Variants in WDPCP observed in about 807,000 individuals in gnomAD.
WDPCP encodes WD repeat-containing and planar cell polarity effector protein fritz homolog.
Under a neutral mutation model 93.1 loss-of-function variants are expected in WDPCP, and 71 were observed. The observed-to-expected ratio is 0.76, with a 90% CI of 0.63 to 0.93. The LOEUF is 0.93. Ranked by LOEUF, WDPCP falls within the 40% of genes least tolerant of loss-of-function variation. The pLI is 0.00. For synonymous variants in WDPCP, 315 were observed against 315.0 expected (o/e 1.00, Z 0.00); for missense variants, 844 against 887.4 (o/e 0.95, Z 0.62).
chr2:63,720,416 T>TAA (rs56140939), intron 2 of WDPCP, among the ~76,000 whole-genome samples: 3 of 124,922 alleles, frequency 2.4e-5, no homozygotes, highest in Non-Finnish European at 1.7e-5. Context: ...GACTCTACCT[T>TAA]AAAAAAAAAA....
At chr2:63,622,190 C>G in intron 3 of WDPCP, 2 of 1,591,974 alleles carry the variant, frequency 1.3e-6, no homozygotes, top group South Asian at 1.1e-5. Flanking sequence ...CAAACTGTTG[C>G]TGCTGCTGCT....
intron 6 of WDPCP, among the ~76,000 whole-genome samples, chr2:63,451,294 C>T (rs1172580837): frequency 6.6e-6 from 1 of 151,754 alleles, no homozygotes; most frequent in Non-Finnish European, 1.5e-5. Flanking sequence ...ACATCCCAGT[C>T]AGACAAAAAT....
chr2:63,497,201 T>A (rs575396329), intron 1 of WDPCP, among the ~76,000 whole-genome samples: 2 of 150,968 alleles, frequency 1.3e-5, no homozygotes, highest in African/African-American at 4.9e-5. Context: ...TGTGGTGGTA[T>A]ACAGACAAAG....
At chr2:63,772,387 T>A (rs1670242215) in intron 2 of WDPCP, among the ~76,000 whole-genome samples, 1 of 152,034 alleles carries the variant, frequency 6.6e-6, no homozygotes, top group Non-Finnish European at 1.5e-5. Context: ...TTGGTTTTGC[T>A]TGCTGAATTA....
chr2:63,391,583 A>G (rs1308586751), intron 10 of WDPCP, among the ~76,000 whole-genome samples: 2 of 152,288 alleles, frequency 1.3e-5, no homozygotes, highest in Non-Finnish European at 2.9e-5. Context: ...CCATTAGGAA[A>G]AGAGGAAGTC....
chr2:63,570,842 T>G (rs1707436315), intron 1 of WDPCP, among the ~76,000 whole-genome samples: 1 of 152,216 alleles, frequency 6.6e-6, no homozygotes, highest in Admixed American at 6.5e-5. Context: ...AACTCTGAAG[T>G]TAGACACACT....
intron 12 of WDPCP, chr2:63,369,547 G>C (rs1691211618): frequency 4.4e-6 from 2 of 455,878 alleles, no homozygotes; most frequent in Non-Finnish European, 8.8e-6. Flanking sequence ...ACCTCAACTA[G>C]AATTTGGGCA....
chr2:63,349,614 A>G (rs1689439909), intron 12 of WDPCP, among the ~76,000 whole-genome samples: 1 of 152,206 alleles, frequency 6.6e-6, no homozygotes, highest in African/African-American at 2.4e-5. Flanking sequence ...CTGGGGAAAA[A>G]AAACCCAAGT....
chr2:63,450,737 G>A (rs1305004496), intron 6 of WDPCP, among the ~76,000 whole-genome samples: 1 of 152,140 alleles, frequency 6.6e-6, no homozygotes, highest in Non-Finnish European at 1.5e-5. Context: ...TACCACTGAT[G>A]CTGTTTCCAG....
chr2:63,786,574 A>G (rs923276829), intron 2 of WDPCP, among the ~76,000 whole-genome samples: 2 of 152,182 alleles, frequency 1.3e-5, no homozygotes, highest in Non-Finnish European at 2.9e-5. Context: ...TACCTCCATG[A>G]AAATGGTGAC....
Position 63,442,828 on chromosome 2 carries a change from G to A in WDPCP, c.385-2957C>T, listed in dbSNP as rs1260648026. ...TCCTAACAAAAACTGCTTTTTCTAT[G>A]TATGAGCGTTTGTTATAAAATTCTT... On this transcript the variant is annotated intron_variant, in intron 6 of 17. Coordinates refer to ENST00000272321, the MANE Select transcript of WDPCP (RefSeq NM_015910.7). 2.0e-5 allele frequency: 3 copies of A among 152,102 alleles called. No homozygotes were observed. The East Asian group carries it at 5.8e-4, about 29-fold the overall frequency. The allele number at this position is 152,102 out of a possible 1,614,324, so 9.4% of individuals were successfully genotyped here. A position where few individuals can be genotyped will look rare whatever the true frequency, so the allele number is the denominator to read the frequency against.
chr2:63,275,844 T>A (rs1485137896), intron 13 of WDPCP, among the ~76,000 whole-genome samples: 1 of 152,188 alleles, frequency 6.6e-6, no homozygotes, highest in Non-Finnish European at 1.5e-5. Flanking sequence ...CAGGACTAGC[T>A]TGCAGCTCCT....
intron 3 of WDPCP, among the ~76,000 whole-genome samples, chr2:63,614,316 G>C (rs1709649887): frequency 6.6e-6 from 1 of 152,038 alleles, no homozygotes; most frequent in Admixed American, 6.6e-5. Flanking sequence ...TTTTTCTCCT[G>C]TTAATCTCCC....
chr2:63,329,605 C>T (rs952221513), intron 12 of WDPCP, among the ~76,000 whole-genome samples: 1 of 152,070 alleles, frequency 6.6e-6, no homozygotes, highest in Non-Finnish European at 1.5e-5. Flanking sequence ...TTTTGTATAT[C>T]AATGTTTCTC....
chr2:63,157,686 A>G (rs1672352606), intron 15 of WDPCP, among the ~76,000 whole-genome samples: 1 of 152,130 alleles, frequency 6.6e-6, no homozygotes, highest in Non-Finnish European at 1.5e-5. Context: ...GTAGTTCATG[A>G]CATTATTTTT....
At chr2:63,127,762 G>A (rs1294337827) in intron 17 of WDPCP, among the ~76,000 whole-genome samples, 4 of 150,986 alleles carry the variant, frequency 2.6e-5, no homozygotes, top group African/African-American at 9.8e-5. Flanking sequence ...CTCTTTGGGT[G>A]ATAGTAAAAA....
rs923056028 is a variant in WDPCP at position 63,338,664 on chromosome 2, T to C, written c.1749-25353A>G. On this transcript the variant is annotated intron_variant, in intron 12 of 17. Coordinates refer to ENST00000272321, the MANE Select transcript of WDPCP (RefSeq NM_015910.7). ...CTTTCCCCATTATATGTACTTGGTG[T>C]CTGTATCGCAAATGACTTGTCTATA... is the stretch of plus-strand genomic sequence containing the variant. Among the ~76,000 whole-genome samples the C allele has an allele frequency of 9.5e-5, 14 of 147,152 alleles. No individual in the cohort carries two copies. The South Asian group carries it at 2.4e-3, about 25-fold the overall frequency.
chr2:63,444,680 C>G (rs1426036167), intron 6 of WDPCP, among the ~76,000 whole-genome samples: 2 of 152,154 alleles, frequency 1.3e-5, no homozygotes, highest in South Asian at 2.1e-4. Flanking sequence ...TGAAGCAGAT[C>G]TGAACTGAAA....
intron 10 of WDPCP, among the ~76,000 whole-genome samples, chr2:63,401,017 T>C (rs753431395): frequency 6.6e-6 from 1 of 152,100 alleles, no homozygotes; most frequent in Non-Finnish European, 1.5e-5. Flanking sequence ...AGGACTTAAA[T>C]GTAAAACCCA....
Sources: gnomAD v4.1 joint callset for allele counts (sites outside exome capture counted in the v4.1 genomes callset) on GRCh38, gnomAD v4.1.1 for gene constraint, MANE v1.5 for transcripts, NCBI Gene and HGNC (gene_info 2026-07-23, HGNC 2026-07-21) for gene names.